GRIK2: variants seen among roughly 807,000 people sequenced by gnomAD.
The protein encoded by GRIK2 is glutamate receptor ionotropic, kainate 2.
A neutral mutation model predicts 100.3 loss-of-function variants in GRIK2; 32 were observed. That is an observed-to-expected ratio of 0.32 (90% CI 0.24 to 0.43). The LOEUF is 0.43. Among genes scored for constraint, GRIK2 ranks in the 20% least tolerant of loss-of-function variants. The pLI, the probability that GRIK2 is intolerant of heterozygous loss-of-function variation, is 1.00. For missense variants in GRIK2, 843 were observed against 1,114.9 expected (o/e 0.76, Z 3.47); for synonymous variants, 417 against 389.4 (o/e 1.07, Z -0.83).
intron 2 of GRIK2, among the ~76,000 whole-genome samples, chr6:101,613,269 G>A (rs767518314): frequency 4.0e-5 from 6 of 151,666 alleles, no homozygotes; most frequent in Non-Finnish European, 7.4e-5. Flanking sequence ...ACTCCAGTGG[G>A]GTATCTATGA....
At chr6:101,521,895 A>G (rs1582634769) in intron 2 of GRIK2, among the ~76,000 whole-genome samples, 1 of 152,154 alleles carries the variant, frequency 6.6e-6, no homozygotes, top group East Asian at 1.9e-4. Flanking sequence ...AGAAAAATGC[A>G]TTGTTTGGAT....
rs1371993870 is a variant in GRIK2 at position 101,910,859 on chromosome 6, A to ACACG, written c.1749-13739_1749-13738insGCAC. Among the ~76,000 whole-genome samples the ACACG allele has an allele frequency of 1.8e-3, 269 of 150,982 alleles. 7 individuals carry two copies. The East Asian group carries it at 0.051, about 28-fold the overall frequency. On this transcript the variant is annotated intron_variant, in intron 12 of 16. Coordinates refer to ENST00000369134, the MANE Select transcript of GRIK2 (RefSeq NM_021956.5). ...ATACACCACACACACACACACACAC[A>ACACG]CACACATACACAAGCATTGGCTAAT...
At chr6:101,896,358 A>G (rs1787442236) in intron 12 of GRIK2, among the ~76,000 whole-genome samples, 1 of 151,784 alleles carries the variant, frequency 6.6e-6, no homozygotes, top group South Asian at 2.1e-4. Flanking sequence ...TCAATTTTTA[A>G]ATTATGCCAG....
intron 4 of GRIK2, among the ~76,000 whole-genome samples, chr6:101,626,867 CT>C (rs1476402344): frequency 6.6e-6 from 1 of 151,506 alleles, no homozygotes; most frequent in Non-Finnish European, 1.5e-5. Flanking sequence ...TTTTTTATTC[CT>C]GTGAAAGATC....
chr6:102,051,096 G>T (rs987556132), intron 15 of GRIK2, among the ~76,000 whole-genome samples: 2 of 152,122 alleles, frequency 1.3e-5, no homozygotes, highest in African/African-American at 4.8e-5. Context: ...TAGTTTTTAT[G>T]TGCCCATCCA....
intron 2 of GRIK2, among the ~76,000 whole-genome samples, chr6:101,556,530 T>A (rs1464090637): frequency 6.6e-6 from 1 of 151,896 alleles, no homozygotes; most frequent in African/African-American, 2.4e-5. Context: ...TTTATTTTTT[T>A]AAATGTTCAA....
At chr6:101,681,591 A>G (rs1332052676) in intron 5 of GRIK2, among the ~76,000 whole-genome samples, 1 of 152,064 alleles carries the variant, frequency 6.6e-6, no homozygotes, top group African/African-American at 2.4e-5. Context: ...TTATTTTAAA[A>G]TATACAATTA....
chr6:102,021,129 TTCTC>T, intron 14 of GRIK2, among the ~76,000 whole-genome samples: 1 of 151,892 alleles, frequency 6.6e-6, no homozygotes, highest in Admixed American at 6.6e-5. Flanking sequence ...TATGTTAGCT[TTCTC>T]AGGAAGGATA....
intron 14 of GRIK2, among the ~76,000 whole-genome samples, chr6:101,975,809 G>GTCTGTCTGTCTA (rs141650149): frequency 1.4e-4 from 21 of 147,408 alleles, no homozygotes; most frequent in African/African-American, 3.3e-4. Context: ...CTATCTATCT[G>GTCTGTCTGTCTA]TCTATCTATC....
intron 7 of GRIK2, among the ~76,000 whole-genome samples, chr6:101,773,478 C>CAAAAAA (rs10635667): frequency 1.5e-4 from 13 of 88,928 alleles, no homozygotes; most frequent in Admixed American, 2.5e-4. Flanking sequence ...GACTTTGTCT[C>CAAAAAA]AAAAAAAAAA....
intron 9 of GRIK2, among the ~76,000 whole-genome samples, chr6:101,807,331 G>A (rs958946118): frequency 1.4e-4 from 22 of 151,806 alleles, no homozygotes; most frequent in South Asian, 2.1e-4. Context: ...CCCCATTCAT[G>A]GCACAATTAA....
intron 14 of GRIK2, among the ~76,000 whole-genome samples, chr6:101,947,745 G>A (rs1315457317): frequency 5.9e-5 from 9 of 152,150 alleles, no homozygotes; most frequent in South Asian, 4.1e-4. Flanking sequence ...TCCGCACCAT[G>A]ATCCCAAATG....
At position 101,622,241 on chromosome 6, in the gene GRIK2, A is replaced by G. The variant is rs546147772; in HGVS notation, c.283+125A>G. On this transcript the variant is annotated intron_variant, in intron 3 of 16. Transcript: ENST00000369134. ...TAGGAATATTTGCATGCAAAGATTTATTTTCAAAATGCATATAAATTTTAT... is the reference window on the plus strand; with the variant it reads ...TAGGAATATTTGCATGCAAAGATTTGTTTTCAAAATGCATATAAATTTTAT... The G allele has an allele frequency of 3.5e-5, 20 of 564,614 alleles. No homozygotes were observed. In the South Asian group the frequency reaches 5.2e-4, roughly 15 times the overall value. 35.0% of individuals were successfully genotyped at this position (564,614 alleles called of 1,614,324 possible).
At chr6:101,911,525 GC>G (rs1373974305) in intron 12 of GRIK2, among the ~76,000 whole-genome samples, 3 of 151,432 alleles carry the variant, frequency 2.0e-5, no homozygotes, top group South Asian at 2.1e-4. Context: ...ATCCTAGACA[GC>G]CTTTAAACTT....
intron 10 of GRIK2, among the ~76,000 whole-genome samples, chr6:101,828,981 A>G (rs1157100731): frequency 6.6e-6 from 1 of 152,058 alleles, no homozygotes; most frequent in Non-Finnish European, 1.5e-5. Context: ...ATAGGCCAAT[A>G]TTCTTGATGA....
At chr6:101,801,280 G>A (rs1394180033) in intron 8 of GRIK2, among the ~76,000 whole-genome samples, 1 of 151,756 alleles carries the variant, frequency 6.6e-6, no homozygotes, top group Non-Finnish European at 1.5e-5. Context: ...TTTTTCTTTG[G>A]AAGCCATTAG....
At chr6:101,612,840 A>G (rs911128394) in intron 2 of GRIK2, among the ~76,000 whole-genome samples, 4 of 151,478 alleles carry the variant, frequency 2.6e-5, no homozygotes, top group African/African-American at 7.3e-5. Flanking sequence ...TTTTGGTTCA[A>G]TCAGGTAAAG....
At chr6:102,054,648 AAAAT>A (rs1480104095) in intron 15 of GRIK2, among the ~76,000 whole-genome samples, 1 of 152,186 alleles carries the variant, frequency 6.6e-6, no homozygotes, top group Non-Finnish European at 1.5e-5. Context: ...GGAAAAAAAC[AAAAT>A]AAAACCTTGT....
intron 2 of GRIK2, among the ~76,000 whole-genome samples, chr6:101,589,946 A>C (rs528376203): frequency 1.3e-5 from 2 of 152,262 alleles, no homozygotes; most frequent in South Asian, 4.1e-4. Context: ...AATAACCTGG[A>C]TAAAATAACA....
Sources: gnomAD v4.1 joint callset for allele counts (sites outside exome capture counted in the v4.1 genomes callset) on GRCh38, gnomAD v4.1.1 for gene constraint, MANE v1.5 for transcripts, NCBI Gene and HGNC (gene_info 2026-07-23, HGNC 2026-07-21) for gene names.